Variants in SPMIP7 observed in about 807,000 individuals in gnomAD.
SPMIP7 encodes protein SPMIP7.
the SPMIP7 span, among the ~76,000 whole-genome samples, chr7:50,151,769 A>G: frequency 5.3e-5 from 8 of 152,174 alleles, no homozygotes; most frequent in Non-Finnish European, 1.0e-4. Context: ...TCCTTTTTGA[A>G]TCTTACCCAA....
At chr7:50,119,091 T>C in the SPMIP7 span, among the ~76,000 whole-genome samples, 1 of 152,072 alleles carries the variant, frequency 6.6e-6, no homozygotes, top group Non-Finnish European at 1.5e-5. Flanking sequence ...GGAGATTGGA[T>C]CTTCTGAAAA....
chr7:50,130,412 C>T, the SPMIP7 span, among the ~76,000 whole-genome samples: 3 of 152,002 alleles, frequency 2.0e-5, no homozygotes, highest in South Asian at 2.1e-4. Flanking sequence ...CATCAGATCT[C>T]GTGAGACTTA....
At chr7:50,107,318 T>C in the SPMIP7 span, among the ~76,000 whole-genome samples, 1 of 117,944 alleles carries the variant, frequency 8.5e-6, no homozygotes, top group South Asian at 2.8e-4. Flanking sequence ...ATAGCACCAC[T>C]GCACTCCACG....
chr7:50,157,262 T>C, the SPMIP7 span, among the ~76,000 whole-genome samples: 1 of 152,096 alleles, frequency 6.6e-6, no homozygotes, highest in African/African-American at 2.4e-5. Flanking sequence ...GGATGAACAT[T>C]GGGATGGAAT....
chr7:50,132,882 A>G, the SPMIP7 span, among the ~76,000 whole-genome samples: 49,073 of 151,872 alleles, frequency 0.32, 8,648 homozygotes, highest in Non-Finnish European at 0.42. Context: ...TCATTCTTGT[A>G]TCGTAAACAC....
chr7:50,122,804 A>C, the SPMIP7 span, among the ~76,000 whole-genome samples: 1 of 152,252 alleles, frequency 6.6e-6, no homozygotes, highest in African/African-American at 2.4e-5. Flanking sequence ...CAGCCAAAAA[A>C]CACATGAAAA....
At chr7:50,151,696 C>A in the SPMIP7 span, 2 of 613,326 alleles carry the variant, frequency 3.3e-6, no homozygotes, top group Admixed American at 4.0e-5. Context: ...AAGTCCGAAA[C>A]AGAAAAAAAG....
At chr7:50,141,256 C>G in the SPMIP7 span, 1 of 1,370,360 alleles carries the variant, frequency 7.3e-7, no homozygotes, top group Non-Finnish European at 1.0e-6. Context: ...GAAATATATG[C>G]CTTCTTTCCT....
At chr7:50,149,561 A>G in the SPMIP7 span, among the ~76,000 whole-genome samples, 1 of 152,198 alleles carries the variant, frequency 6.6e-6, no homozygotes, top group African/African-American at 2.4e-5. Flanking sequence ...CTGCTTCTCG[A>G]TGCAGTGGGC....
chr7:50,133,306 A>G, the SPMIP7 span, among the ~76,000 whole-genome samples: 3 of 152,124 alleles, frequency 2.0e-5, no homozygotes, highest in East Asian at 1.9e-4. Context: ...AACCATGCCA[A>G]AAAACTTGTA....
At chr7:50,125,063 C>T in the SPMIP7 span, among the ~76,000 whole-genome samples, 1 of 139,838 alleles carries the variant, frequency 7.2e-6, no homozygotes, top group East Asian at 2.0e-4. Flanking sequence ...CATGCCACTG[C>T]ACTCCAGCCT....
At chr7:50,111,025 GTATAT>G in the SPMIP7 span, among the ~76,000 whole-genome samples, 349 of 141,064 alleles carry the variant, frequency 2.5e-3, 6 homozygotes, top group East Asian at 0.055. Flanking sequence ...TATATAAAAT[GTATAT>G]TATATATTTA....
At chr7:50,119,767 C>T in the SPMIP7 span, among the ~76,000 whole-genome samples, 1 of 152,206 alleles carries the variant, frequency 6.6e-6, no homozygotes, top group African/African-American at 2.4e-5. Flanking sequence ...GTATGTTGTG[C>T]TTCCGAGCAT....
the SPMIP7 span, chr7:50,141,142 T>C: frequency 1.8e-6 from 1 of 551,598 alleles, no homozygotes; most frequent in African/African-American, 1.9e-5. Flanking sequence ...GTTCTATCAT[T>C]ATGCTTTACA....
chr7:50,125,173 CAT>C, the SPMIP7 span, among the ~76,000 whole-genome samples: 72 of 21,028 alleles, frequency 3.4e-3, 9 homozygotes, highest in African/African-American at 9.6e-3. Flanking sequence ...CATATATACA[CAT>C]ATATATACAC....
chr7:50,140,311 T>G, the SPMIP7 span: 5 of 504,026 alleles, frequency 9.9e-6, no homozygotes, highest in Non-Finnish European at 1.7e-5. Flanking sequence ...CTAATGTTTG[T>G]GTGGCACACA....
At chr7:50,132,736 G>C in the SPMIP7 span, among the ~76,000 whole-genome samples, 1 of 152,148 alleles carries the variant, frequency 6.6e-6, no homozygotes, top group Non-Finnish European at 1.5e-5. Flanking sequence ...TTTAAGATAA[G>C]TAAGTTCTAA....
chr7:50,139,216 G>A, the SPMIP7 span, among the ~76,000 whole-genome samples: 3 of 151,748 alleles, frequency 2.0e-5, no homozygotes, highest in Admixed American at 2.0e-4. Context: ...GGGTGTGGTG[G>A]CACGTGCCTG....
chr7:50,158,566 G>A, the SPMIP7 span, among the ~76,000 whole-genome samples: 5 of 151,182 alleles, frequency 3.3e-5, no homozygotes, highest in African/African-American at 1.2e-4. Context: ...GGTGAGGCCC[G>A]GGTTCCCCCT....
Sources: gnomAD v4.1 joint callset for allele counts (sites outside exome capture counted in the v4.1 genomes callset) on GRCh38, gnomAD v4.1.1 for gene constraint, MANE v1.5 for transcripts, NCBI Gene and HGNC (gene_info 2026-07-23, HGNC 2026-07-21) for gene names.